The following LIPI variants were observed in gnomAD, a reference collection of about 807,000 sequenced individuals.
The protein encoded by LIPI is lipase member I.
In LIPI, 59 loss-of-function variants were observed where a neutral mutation model predicts 50.6. The observed-to-expected ratio is 1.16, with a 90% CI of 0.94 to 1.45. The LOEUF is 1.45. Ranked by LOEUF, LIPI falls within the 40% of genes most tolerant of loss-of-function variation. The pLI is 0.00. For missense variants in LIPI, 586 were observed against 536.3 expected (o/e 1.09, Z -0.92); for synonymous variants, 203 against 178.2 (o/e 1.14, Z -1.11).
At position 14,126,101 on chromosome 21, in the gene LIPI, G is replaced by GA. The variant is rs1430646447; in HGVS notation, c.1296-17022dup. On this transcript the variant is annotated intron_variant, in intron 9 of 9. Coordinates refer to ENST00000681601, the MANE Select transcript of LIPI (RefSeq NM_001302998.2). ...TGGAGCTCTTACATTTTGCTGGTAG[G>GA]AATGCAAACTGTACAGTCACTTTGG... Among the ~76,000 whole-genome samples, 19 of 152,176 alleles carry GA rather than the reference G, an allele frequency of 1.2e-4. 2 individuals are homozygous for GA. Among genetic ancestry groups the GA allele is most frequent in the South Asian group, 1.2e-3 (6 of 4,818 alleles).
chr21:14,131,106 A>G (rs1363074563), intron 9 of LIPI, among the ~76,000 whole-genome samples: 1 of 151,992 alleles, frequency 6.6e-6, no homozygotes. Flanking sequence ...GCCTGCCACC[A>G]CACCCGGCTA....
rs566569850 is a variant in LIPI, at chr21:14,172,194, A to G, written c.644-5743T>C. 3.3e-3 allele frequency among the ~76,000 whole-genome samples: 495 copies of G among 150,454 alleles called. 2 individuals carry two copies. The highest frequency in any genetic ancestry group is 6.4e-3 in the African/African-American group (265 of 41,320). On this transcript the variant is annotated intron_variant, in intron 4 of 9. Coordinates refer to ENST00000681601, the MANE Select transcript of LIPI (RefSeq NM_001302998.2). ...ACCATCTCACACCAGTTAGAATGGCAATCATTAAAAAGTCAGGAAACAACA... is the reference window on the plus strand; with the variant it reads ...ACCATCTCACACCAGTTAGAATGGCGATCATTAAAAAGTCAGGAAACAACA...
chr21:14,195,503 G>C (rs757640654), intron 1 of LIPI, among the ~76,000 whole-genome samples: 39 of 152,122 alleles, frequency 2.6e-4, no homozygotes, highest in Non-Finnish European at 3.8e-4. Context: ...TCCAAGCTCT[G>C]CTTGCTTTCA....
chr21:14,123,160 C>A lies in LIPI; in HGVS notation c.1296-14080G>T, dbSNP rs2187065. ...TATCCAAGTGTCTGTCTATTAAAAA[C>A]CCCTATCATTGGAAGATACTGCATA... is the stretch of plus-strand genomic sequence containing the variant. On this transcript the variant is annotated intron_variant, in intron 9 of 9. Transcript: ENST00000681601. Among the ~76,000 whole-genome samples, 20 of 152,352 alleles carry A rather than the reference C, an allele frequency of 1.3e-4. 2 individuals carry two copies. Among genetic ancestry groups the A allele is most frequent in the South Asian group, 1.2e-3 (6 of 4,826 alleles).
At chr21:14,180,419 G>A (rs567748715) in intron 4 of LIPI, among the ~76,000 whole-genome samples, 80 of 152,240 alleles carry the variant, frequency 5.3e-4, no homozygotes, top group South Asian at 4.8e-3. Flanking sequence ...ACTGATATGT[G>A]ATGTCACCCC....
chr21:14,168,920 A>G (rs2018791558), intron 4 of LIPI, among the ~76,000 whole-genome samples: 1 of 151,426 alleles, frequency 6.6e-6, no homozygotes, highest in Non-Finnish European at 1.5e-5. Context: ...AGACTGGCAA[A>G]TTGGATAAAG....
chr21:14,129,067 T>C (rs2017180887), intron 9 of LIPI, among the ~76,000 whole-genome samples: 1 of 152,116 alleles, frequency 6.6e-6, no homozygotes, highest in Non-Finnish European at 1.5e-5. Context: ...ATAAGGAATT[T>C]TGTTGATTAA....
intron 9 of LIPI, among the ~76,000 whole-genome samples, chr21:14,135,897 AC>A (rs781298950): frequency 4.0e-5 from 6 of 151,806 alleles, no homozygotes; most frequent in Non-Finnish European, 8.8e-5. Context: ...CCAAAAAAAG[AC>A]CCCTTCTTCC....
chr21:14,199,927 G>A lies in LIPI; in HGVS notation c.47-10508C>T, dbSNP rs1600934580. On this transcript the variant is annotated intron_variant, in intron 1 of 9. Transcript: ENST00000681601. ...CCATGATCAAGTAGGCTTTATCCCT[G>A]AGATGGAAGGTTGGTTCAACATACA... Among the ~76,000 whole-genome samples, 6 of 152,194 alleles carry A rather than the reference G, an allele frequency of 3.9e-5. 1 individual carries two copies. The South Asian group carries it at 1.2e-3, about 32-fold the overall frequency.
chr21:14,110,983 A>C (rs1313045744), intron 9 of LIPI, among the ~76,000 whole-genome samples: 1 of 149,000 alleles, frequency 6.7e-6, no homozygotes, highest in African/African-American at 2.4e-5. Context: ...TTACAGCTTC[A>C]TCCACTATTG....
In LIPI at chr21:14,163,504, A is replaced by G; in HGVS notation, c.921T>C (p.Phe307=). The G allele has an allele frequency of 6.4e-7, 1 of 1,571,966 alleles. No individual in the cohort carries two copies. The highest frequency in any genetic ancestry group is 8.8e-7 in the Non-Finnish European group (1 of 1,141,926). Residue 307 remains phenylalanine, a synonymous_variant, in exon 7 of 10, where the codon TTT becomes TTC. Coordinates refer to ENST00000681601, the MANE Select transcript of LIPI (RefSeq NM_001302998.2). ...CCATCCTTTCTTTTAAAACACCTTT[A>G]AATAGCTTGGCTTGATAACCTGAGA... The part of the protein sequence containing the change: ...CPRLGYQAKL[F]KGVLKERMEG...
At chr21:14,158,373 A>C (rs2018344697) in intron 7 of LIPI, among the ~76,000 whole-genome samples, 1 of 151,650 alleles carries the variant, frequency 6.6e-6, no homozygotes, top group African/African-American at 2.4e-5. Flanking sequence ...GTTCTCTAAA[A>C]AATACATAGA....
chr21:14,125,986 C>G (rs965222448), intron 9 of LIPI, among the ~76,000 whole-genome samples: 1 of 151,790 alleles, frequency 6.6e-6, no homozygotes, highest in African/African-American at 2.4e-5. Flanking sequence ...AAATGAGATA[C>G]CTCTACACAC....
chr21:14,160,964 A>C (rs1323486648), intron 7 of LIPI, among the ~76,000 whole-genome samples: 1 of 151,464 alleles, frequency 6.6e-6, no homozygotes, highest in African/African-American at 2.4e-5. Context: ...TTTTTAAAAT[A>C]ATGACACCAC....
chr21:14,138,672 T>C (rs1019648446), intron 9 of LIPI, among the ~76,000 whole-genome samples: 4 of 152,092 alleles, frequency 2.6e-5, no homozygotes, highest in African/African-American at 9.6e-5. Flanking sequence ...GCAATTTTAA[T>C]GATTGCATAA....
intron 9 of LIPI, among the ~76,000 whole-genome samples, chr21:14,114,168 ACT>A (rs1377066736): frequency 7.0e-6 from 1 of 143,194 alleles, no homozygotes; most frequent in African/African-American, 2.5e-5. Flanking sequence ...ACAGGGCAAG[ACT>A]CTGTCTCAAA....
chr21:14,130,575 A>T (rs2017254350), intron 9 of LIPI, among the ~76,000 whole-genome samples: 1 of 152,106 alleles, frequency 6.6e-6, no homozygotes, highest in Admixed American at 6.6e-5. Flanking sequence ...CATTCAGCAC[A>T]CCTGAGTGGA....
intron 9 of LIPI, among the ~76,000 whole-genome samples, chr21:14,130,317 G>A (rs2017241875): frequency 6.6e-6 from 1 of 152,040 alleles, no homozygotes; most frequent in Non-Finnish European, 1.5e-5. Flanking sequence ...TCCAGCCCAG[G>A]CAACAGTGCA....
chr21:14,191,250 G>A (rs1049721533), intron 1 of LIPI, among the ~76,000 whole-genome samples: 3 of 150,540 alleles, frequency 2.0e-5, no homozygotes, highest in Non-Finnish European at 4.5e-5. Flanking sequence ...AGTGGCGGGC[G>A]CCTGTAGTCC....
Sources: gnomAD v4.1 joint callset for allele counts (sites outside exome capture counted in the v4.1 genomes callset) on GRCh38, gnomAD v4.1.1 for gene constraint, MANE v1.5 for transcripts, NCBI Gene and HGNC (gene_info 2026-07-23, HGNC 2026-07-21) for gene names.